Variants in TRPM8 observed in about 807,000 individuals in gnomAD.
TRPM8 encodes the protein TRPM8 cationic channel.
Under a neutral mutation model 133.7 loss-of-function variants are expected in TRPM8, and 110 were observed. The observed-to-expected ratio is 0.82, with a 90% CI of 0.70 to 0.96. The LOEUF is 0.96. Ranked by LOEUF, TRPM8 falls within the 40% of genes least tolerant of loss-of-function variation. The probability of loss-of-function intolerance (pLI) is 0.00; values close to 1 mark genes in which losing one functional copy is unlikely to be tolerated. For missense variants in TRPM8, 1,291 were observed against 1,379.5 expected (o/e 0.94, Z 1.02); for synonymous variants, 535 against 532.3 (o/e 1.01, Z -0.07).
At chr2:233,981,957 G>A in intron 19 of TRPM8, 42 bp downstream of exon 19, 2 of 1,547,580 alleles carry the variant, frequency 1.3e-6, no homozygotes, top group South Asian at 1.3e-5. Flanking sequence ...TTTCTTGCGG[G>A]GCCCAGAGTT....
rs1235286913 is a variant in TRPM8, at chr2:233,996,521, G to T, written c.3130+5G>T. On this transcript the variant is annotated splice_donor_5th_base_variant and intron_variant, in intron 22 of 25. Transcript: ENST00000324695. ...ACATGGAGTCTTCTGTCTGCTGTGA[G>T]TGGTTTATCCATGTGTACTTGGGAT... 3 of 1,613,888 alleles carry T rather than the reference G, an allele frequency of 1.9e-6. No homozygotes were observed. The highest frequency in any genetic ancestry group is 2.5e-6 in the Non-Finnish European group (3 of 1,179,912).
chr2:233,960,032 C>A (rs1336877339), intron 11 of TRPM8, among the ~76,000 whole-genome samples: 3 of 151,358 alleles, frequency 2.0e-5, no homozygotes, highest in African/African-American at 7.3e-5. Context: ...ATTTTCCCAT[C>A]TTGGCCTCCC....
chr2:234,008,157 T>G, intron 24 of TRPM8, 54 bp downstream of exon 24: 1 of 1,532,528 alleles, frequency 6.5e-7, no homozygotes, highest in East Asian at 2.3e-5. Flanking sequence ...ACTAATACTT[T>G]GAGCTTTCAG....
At chr2:234,007,100 GA>G in intron 23 of TRPM8, 148 bp downstream of exon 23, 1 of 593,704 alleles carries the variant, frequency 1.7e-6, no homozygotes, top group Non-Finnish European at 3.0e-6. Flanking sequence ...GGCAATTGAA[GA>G]TGACAAACGC....
At chr2:233,947,477 AC>A in intron 8 of TRPM8, 4 of 1,343,010 alleles carry the variant, frequency 3.0e-6, no homozygotes, top group Non-Finnish European at 3.9e-6. Context: ...GCTATGGCCA[AC>A]CTATCTGCAT....
chr2:233,938,512 C>T (rs2125083962), intron 4 of TRPM8, among the ~76,000 whole-genome samples: 1 of 152,318 alleles, frequency 6.6e-6, no homozygotes, highest in East Asian at 1.9e-4. Flanking sequence ...TTTAGGGAGA[C>T]ATGAGACATT....
rs1691731986 is a variant in TRPM8, at chr2:233,971,882, T to G, written c.2355+1456T>G. 3.3e-5 allele frequency among the ~76,000 whole-genome samples: 5 copies of G among 152,150 alleles called. No individual in the cohort carries two copies. In the South Asian group the frequency reaches 1.0e-3, roughly 32 times the overall value. ...GCCACTGCTGGCTCGCGCAGCCTGC[T>G]TTTATTCTCTTATCTGGCCCCACCC... On this transcript the variant is annotated intron_variant, in intron 17 of 25. Transcript: ENST00000324695.
intron 3 of TRPM8, among the ~76,000 whole-genome samples, chr2:233,932,024 T>C (rs1416090684): frequency 3.9e-5 from 6 of 152,250 alleles, no homozygotes; most frequent in African/African-American, 1.4e-4. Context: ...GCCTTCTCTA[T>C]ACCGTCAGTT....
chr2:233,985,230 T>C (rs1692116551), intron 20 of TRPM8, among the ~76,000 whole-genome samples: 1 of 152,208 alleles, frequency 6.6e-6, no homozygotes, highest in African/African-American at 2.4e-5. Context: ...AACCTCCCCA[T>C]TAGTTCATGT....
Position 233,950,034 on chromosome 2 carries a change from T to C in TRPM8, c.1028T>C (p.Val343Ala). ...ATCGCTGATGTGATCGCTAGCCTGG[T>C]GGAGGTGGAGGATGCCCTGACATCT... ...GQIADVIASL[V>A]EVEDALTSSA... Residue 343 changes from valine to alanine, a missense_variant, in exon 9 of 26, where the codon GTG becomes GCG. This residue lies in a region of TRPM8 where 963 missense variants were observed against 968.9 expected (regional missense o/e 0.99). Coordinates refer to ENST00000324695, the MANE Select transcript of TRPM8 (RefSeq NM_024080.5). 1 of 1,614,130 alleles carries C rather than the reference T, an allele frequency of 6.2e-7. No individual in the cohort carries two copies. Among genetic ancestry groups the C allele is most frequent in the Non-Finnish European group, 8.5e-7 (1 of 1,180,020 alleles).
chr2:233,921,142 T>C (rs1200768245), intron 1 of TRPM8, among the ~76,000 whole-genome samples: 1 of 152,162 alleles, frequency 6.6e-6, no homozygotes, highest in Non-Finnish European at 1.5e-5. Flanking sequence ...ATTACAGGCA[T>C]GAACTACCAC....
At chr2:233,992,311 A>C (rs535971646) in intron 21 of TRPM8, among the ~76,000 whole-genome samples, 1 of 150,568 alleles carries the variant, frequency 6.6e-6, no homozygotes, top group African/African-American at 2.4e-5. Context: ...AGGATGTTAT[A>C]TGTTGCCAGA....
chr2:233,931,593 T>A (rs1030507777), intron 3 of TRPM8, among the ~76,000 whole-genome samples: 2 of 152,238 alleles, frequency 1.3e-5, no homozygotes, highest in African/African-American at 4.8e-5. Flanking sequence ...TTCTCTTTTC[T>A]AAAGCTAATT....
At chr2:233,925,781 T>C (rs1352314221) in intron 1 of TRPM8, among the ~76,000 whole-genome samples, 2 of 152,026 alleles carry the variant, frequency 1.3e-5, no homozygotes, top group Non-Finnish European at 2.9e-5. Context: ...AGAGGTTGAG[T>C]AGGCATTGAC....
At chr2:233,986,109 C>G (rs1260987667) in intron 21 of TRPM8, among the ~76,000 whole-genome samples, 1 of 152,246 alleles carries the variant, frequency 6.6e-6, no homozygotes, top group Non-Finnish European at 1.5e-5. Context: ...CAAATCCAGA[C>G]TGCATATTTG....
chr2:233,982,664 A>G (rs4233638), intron 19 of TRPM8, among the ~76,000 whole-genome samples: 38,681 of 152,208 alleles, frequency 0.25, 5,960 homozygotes, highest in Non-Finnish European at 0.35. Context: ...CCAAACAAGC[A>G]AATAAACCAA....
intron 12 of TRPM8, among the ~76,000 whole-genome samples, chr2:233,961,732 C>T (rs1402567920): frequency 6.6e-6 from 1 of 150,768 alleles, no homozygotes. Flanking sequence ...CAGATTCAAG[C>T]GATTCTTCTG....
chr2:234,002,825 C>T (rs143441521), intron 22 of TRPM8, among the ~76,000 whole-genome samples: 189 of 152,228 alleles, frequency 1.2e-3, no homozygotes, highest in Non-Finnish European at 2.3e-3. Context: ...CTACTGTTCA[C>T]AGGTGTTGTG....
At position 234,017,368 on chromosome 2, in the gene TRPM8, G is replaced by T. The variant is rs758873932; in HGVS notation, c.*112G>T. Reference sequence around the variant, plus strand: ...AAATGAGAGATTTTCAGACCCCTGGGTACATGGTGGATGATTTTAAATCAC... The same window carrying T: ...AAATGAGAGATTTTCAGACCCCTGGTTACATGGTGGATGATTTTAAATCAC... On this transcript the variant is annotated 3_prime_UTR_variant, in exon 26 of 26. Coordinates refer to ENST00000324695, the MANE Select transcript of TRPM8 (RefSeq NM_024080.5). 2.1e-6 allele frequency: 1 copy of T among 471,234 alleles called. No individual in the cohort carries two copies. Among genetic ancestry groups the T allele is most frequent in the South Asian group, 1.5e-5 (1 of 64,542 alleles). The allele number at this position is 471,234 out of a possible 1,614,324, so 29.2% of individuals were successfully genotyped here. A position where few individuals can be genotyped will look rare whatever the true frequency, so the allele number is the denominator to read the frequency against.
Sources: gnomAD v4.1 joint callset for allele counts (sites outside exome capture counted in the v4.1 genomes callset) on GRCh38, gnomAD v4.1.1 for gene constraint, gnomAD v4.1.1 regional missense constraint, MANE v1.5 for transcripts, NCBI Gene and HGNC (gene_info 2026-07-23, HGNC 2026-07-21) for gene names.